The following SLC9A9 variants were observed in gnomAD, a reference collection of about 807,000 sequenced individuals.
SLC9A9 encodes sodium/hydrogen exchanger 9.
In SLC9A9, 62 loss-of-function variants were observed where a neutral mutation model predicts 77.8. The ratio of observed to expected loss-of-function variants is 0.80; its 90% CI spans 0.65 to 0.98. The LOEUF is 0.98. SLC9A9 is among the 50% of genes least tolerant of loss of function. The pLI is 0.00. For missense variants in SLC9A9, 775 were observed against 774.9 expected, an observed-to-expected ratio of 1.00 and a Z score of 0.00; for synonymous variants, 320 against 283.5, an observed-to-expected ratio of 1.13 and a Z score of -1.29.
chr3:143,453,700 C>A (rs1306103624), intron 12 of SLC9A9, among the ~76,000 whole-genome samples: 1 of 152,112 alleles, frequency 6.6e-6, no homozygotes, highest in Non-Finnish European at 1.5e-5. Flanking sequence ...TAACATGTAT[C>A]TTTTCCCATT....
intron 8 of SLC9A9, among the ~76,000 whole-genome samples, chr3:143,557,679 C>T (rs1359206955): frequency 6.6e-6 from 1 of 152,196 alleles, no homozygotes; most frequent in Non-Finnish European, 1.5e-5. Flanking sequence ...GTGACTCTTG[C>T]TATGCTTTAG....
chr3:143,763,217 T>C (rs2007194058), intron 4 of SLC9A9, among the ~76,000 whole-genome samples: 1 of 152,136 alleles, frequency 6.6e-6, no homozygotes, highest in Admixed American at 6.6e-5. Flanking sequence ...ACCCTCTTCC[T>C]TCAGAACCCA....
At chr3:143,701,296 C>G (rs1348702268) in intron 4 of SLC9A9, among the ~76,000 whole-genome samples, 2 of 152,134 alleles carry the variant, frequency 1.3e-5, no homozygotes, top group Non-Finnish European at 2.9e-5. Context: ...ATAACCTCAC[C>G]AAGTGAACTA....
At chr3:143,637,300 ACT>A (rs2038539615) in intron 6 of SLC9A9, among the ~76,000 whole-genome samples, 1 of 152,308 alleles carries the variant, frequency 6.6e-6, no homozygotes, top group Admixed American at 6.5e-5. Context: ...AAAGCACAAA[ACT>A]CTGGAAATGA....
intron 1 of SLC9A9, among the ~76,000 whole-genome samples, chr3:143,839,543 A>G (rs1400682413): frequency 2.6e-5 from 4 of 152,092 alleles, no homozygotes; most frequent in Admixed American, 2.6e-4. Context: ...AAGCGCACAC[A>G]TGCACACACA....
chr3:143,499,696 T>C (rs1559941760), intron 9 of SLC9A9, among the ~76,000 whole-genome samples: 1 of 152,178 alleles, frequency 6.6e-6, no homozygotes, highest in Non-Finnish European at 1.5e-5. Flanking sequence ...CTTTGTTTTT[T>C]TCCCAATCTC....
At chr3:143,541,897 T>C (rs2036696100) in intron 9 of SLC9A9, among the ~76,000 whole-genome samples, 1 of 152,190 alleles carries the variant, frequency 6.6e-6, no homozygotes, top group Admixed American at 6.5e-5. Context: ...AGATAAAAAA[T>C]TTACATAAAA....
At chr3:143,270,024 T>C (rs1394741674) in intron 14 of SLC9A9, among the ~76,000 whole-genome samples, 1 of 152,196 alleles carries the variant, frequency 6.6e-6, no homozygotes, top group Non-Finnish European at 1.5e-5. Flanking sequence ...CTGGTACTTC[T>C]GGCTTGATGT....
At chr3:143,606,273 C>A (rs112196224) in intron 6 of SLC9A9, among the ~76,000 whole-genome samples, 2,680 of 151,606 alleles carry the variant, frequency 0.018, 91 homozygotes, top group African/African-American at 0.061. Flanking sequence ...GGCATGGTGG[C>A]AGGCGCCTAT....
intron 6 of SLC9A9, 105 bp from the exon 7 acceptor site, chr3:143,578,828 G>T: frequency 7.3e-7 from 1 of 1,378,900 alleles, no homozygotes; most frequent in Non-Finnish European, 1.0e-6. Context: ...GTAATGTTGG[G>T]TGCTGGTTGG....
intron 5 of SLC9A9, among the ~76,000 whole-genome samples, chr3:143,659,452 A>G (rs1051322303): frequency 6.6e-6 from 1 of 152,240 alleles, no homozygotes; most frequent in African/African-American, 2.4e-5. Context: ...AAACAAGCAG[A>G]TATCTTGTAC....
At chr3:143,321,879 TAG>T (rs955291797) in intron 14 of SLC9A9, among the ~76,000 whole-genome samples, 1 of 152,232 alleles carries the variant, frequency 6.6e-6, no homozygotes, top group African/African-American at 2.4e-5. Context: ...GAGGATGTTA[TAG>T]AGTCTCTTCC....
At chr3:143,404,836 G>T (rs1405055102) in intron 12 of SLC9A9, among the ~76,000 whole-genome samples, 1 of 152,240 alleles carries the variant, frequency 6.6e-6, no homozygotes, top group Non-Finnish European at 1.5e-5. Context: ...TGCAGCCTCT[G>T]ATGGTTACTG....
chr3:143,602,755 G>A (rs2108688345), intron 6 of SLC9A9, among the ~76,000 whole-genome samples: 1 of 152,264 alleles, frequency 6.6e-6, no homozygotes, highest in East Asian at 1.9e-4. Flanking sequence ...TAGGGATAAT[G>A]ATAGCACTTG....
At chr3:143,654,234 C>A (rs1031334516) in intron 5 of SLC9A9, among the ~76,000 whole-genome samples, 5 of 152,072 alleles carry the variant, frequency 3.3e-5, no homozygotes, top group African/African-American at 1.2e-4. Context: ...AAAAATTATG[C>A]TGTGTACATA....
At chr3:143,617,100 C>T (rs1351626727) in intron 6 of SLC9A9, among the ~76,000 whole-genome samples, 1 of 152,074 alleles carries the variant, frequency 6.6e-6, no homozygotes, top group Admixed American at 6.5e-5. Context: ...ATGATGGATG[C>T]CTAGGGAATG....
chr3:143,323,847 T>C (rs2031495770), intron 14 of SLC9A9, among the ~76,000 whole-genome samples: 1 of 152,224 alleles, frequency 6.6e-6, no homozygotes, highest in Non-Finnish European at 1.5e-5. Flanking sequence ...TACAGCTCCA[T>C]TTATAATACA....
intron 4 of SLC9A9, among the ~76,000 whole-genome samples, chr3:143,743,777 T>G (rs1295530741): frequency 6.6e-6 from 1 of 152,226 alleles, no homozygotes; most frequent in Non-Finnish European, 1.5e-5. Flanking sequence ...ACACCTAAAA[T>G]GAATGATACA....
intron 9 of SLC9A9, among the ~76,000 whole-genome samples, chr3:143,541,062 G>T (rs938455158): frequency 3.9e-5 from 6 of 152,120 alleles, no homozygotes; most frequent in Admixed American, 2.6e-4. Context: ...CAAATTATTT[G>T]ACACCCCTTC....
Sources: allele counts gnomAD v4.1 joint callset (sites outside exome capture counted in the v4.1 genomes callset), GRCh38; gene constraint gnomAD v4.1.1; transcripts MANE v1.5; gene names NCBI Gene and HGNC (gene_info 2026-07-23, HGNC 2026-07-21).